RAB3C: variants seen among roughly 807,000 people sequenced by gnomAD.
RAB3C encodes RAB3C, member RAS oncogene family.
RAB3C carries 17 observed loss-of-function variants against 26.4 expected under a neutral mutation model. That is an observed-to-expected ratio of 0.64 (90% CI 0.44 to 0.97). The LOEUF (loss-of-function observed/expected upper bound fraction) is 0.97. Ranked by LOEUF, RAB3C falls within the 50% of genes least tolerant of loss-of-function variation. The pLI is 0.00. For synonymous variants in RAB3C, 91 were observed against 95.9 expected (o/e 0.95, Z 0.30); for missense variants, 242 against 281.9 (o/e 0.86, Z 1.01).
chr5:58,608,581 C>T (rs1327815968), intron 1 of RAB3C, among the ~76,000 whole-genome samples: 1 of 152,218 alleles, frequency 6.6e-6, no homozygotes, highest in Non-Finnish European at 1.5e-5. Context: ...CACTTTTACA[C>T]TGTTGATGGG....
At chr5:58,847,712 T>G (rs1249100072) in intron 4 of RAB3C, among the ~76,000 whole-genome samples, 2 of 152,132 alleles carry the variant, frequency 1.3e-5, no homozygotes, top group Admixed American at 6.5e-5. Context: ...TTTCTAAACA[T>G]CCCTGTACCC....
At chr5:58,833,324 TCACACACA>T (rs571940681) in intron 4 of RAB3C, among the ~76,000 whole-genome samples, 9 of 141,068 alleles carry the variant, frequency 6.4e-5, no homozygotes, top group African/African-American at 1.6e-4. Flanking sequence ...ACGGACCCCA[TCACACACA>T]CACACACACA....
chr5:58,706,729 T>A (rs1748951595), intron 2 of RAB3C, among the ~76,000 whole-genome samples: 1 of 152,202 alleles, frequency 6.6e-6, no homozygotes, highest in Non-Finnish European at 1.5e-5. Flanking sequence ...TTCTACAACA[T>A]CCTTAATGTT....
chr5:58,826,980 G>C (rs1743495587), intron 4 of RAB3C, among the ~76,000 whole-genome samples: 1 of 152,108 alleles, frequency 6.6e-6, no homozygotes, highest in South Asian at 2.1e-4. Flanking sequence ...ATCCCTGGAT[G>C]GCCACAAGAA....
intron 1 of RAB3C, among the ~76,000 whole-genome samples, chr5:58,599,697 T>G (rs1453925098): frequency 2.6e-5 from 4 of 151,376 alleles, no homozygotes; most frequent in African/African-American, 9.8e-5. Flanking sequence ...TTTCTTTTTT[T>G]TTTCTTTTTT....
At chr5:58,670,894 G>C (rs1389016357) in intron 2 of RAB3C, among the ~76,000 whole-genome samples, 1 of 152,110 alleles carries the variant, frequency 6.6e-6, no homozygotes, top group Non-Finnish European at 1.5e-5. Context: ...GCCATATCTA[G>C]TCAGTATGCA....
chr5:58,822,750 A>G (rs1579938115), intron 3 of RAB3C: 3 of 532,172 alleles, frequency 5.6e-6, no homozygotes, highest in South Asian at 1.6e-5. Context: ...TACATGGTAC[A>G]TGAACTACCA....
intron 2 of RAB3C, among the ~76,000 whole-genome samples, chr5:58,709,338 C>A (rs920073926): frequency 1.3e-5 from 2 of 152,280 alleles, no homozygotes; most frequent in Middle Eastern, 3.4e-3. Context: ...ATGGGACTCA[C>A]CCTCTGTACA....
chr5:58,608,790 A>G (rs1253884542), intron 1 of RAB3C, among the ~76,000 whole-genome samples: 1 of 152,214 alleles, frequency 6.6e-6, no homozygotes. Context: ...AACCAACCCA[A>G]ATATCCATCA....
chr5:58,641,215 T>C (rs902913906), intron 2 of RAB3C, among the ~76,000 whole-genome samples: 1 of 152,172 alleles, frequency 6.6e-6, no homozygotes, highest in African/African-American at 2.4e-5. Flanking sequence ...CAGGCTGTAC[T>C]CAGTAGTCAA....
intron 1 of RAB3C, among the ~76,000 whole-genome samples, chr5:58,599,257 A>G (rs1746397333): frequency 6.6e-6 from 1 of 152,116 alleles, no homozygotes; most frequent in Non-Finnish European, 1.5e-5. Context: ...GTATTTTCCT[A>G]CTTCTTACTA....
intron 3 of RAB3C, among the ~76,000 whole-genome samples, chr5:58,731,700 A>G (rs952178463): frequency 6.6e-6 from 1 of 152,200 alleles, no homozygotes. Context: ...TTTATGAATA[A>G]TGCATCTCAG....
At chr5:58,751,043 G>A (rs112154582) in intron 3 of RAB3C, among the ~76,000 whole-genome samples, 2,612 of 152,106 alleles carry the variant, frequency 0.017, 79 homozygotes, top group African/African-American at 0.061. Flanking sequence ...TAGTGGAGAC[G>A]GAGTTTCACC....
intron 2 of RAB3C, among the ~76,000 whole-genome samples, chr5:58,673,336 T>C (rs1748158588): frequency 6.6e-6 from 1 of 152,172 alleles, no homozygotes; most frequent in Non-Finnish European, 1.5e-5. Context: ...AAAACAAAAT[T>C]TTCATCAGAG....
At chr5:58,586,457 G>T (rs1746009939) in intron 1 of RAB3C, among the ~76,000 whole-genome samples, 3 of 151,984 alleles carry the variant, frequency 2.0e-5, no homozygotes, top group Admixed American at 2.0e-4. Flanking sequence ...AGAAAAATTG[G>T]CCCTATCTTC....
chr5:58,790,073 C>G (rs970219232), intron 3 of RAB3C, among the ~76,000 whole-genome samples: 5 of 152,220 alleles, frequency 3.3e-5, no homozygotes, highest in African/African-American at 1.2e-4. Flanking sequence ...CTCCTAAAGT[C>G]TAGACCCATT....
chr5:58,634,271 G>A (rs1256305253), intron 2 of RAB3C, among the ~76,000 whole-genome samples: 5 of 152,136 alleles, frequency 3.3e-5, no homozygotes, highest in African/African-American at 1.2e-4. Context: ...TCACACCATT[G>A]AAAAGTTTAA....
rs117480626 is a variant in RAB3C at position 58,620,195 on chromosome 5, A to G, written c.252+2325A>G. 5.3e-5 allele frequency among the ~76,000 whole-genome samples: 8 copies of G among 152,286 alleles called. No individual in the cohort carries two copies. In the East Asian group the frequency reaches 1.4e-3, roughly 26 times the overall value. ...CCCATCAGGGTTCAGCCACTTGGGA[A>G]TCCTTCACTTTCCCCCATCGTCAGT... On this transcript the variant is annotated intron_variant, in intron 2 of 4. Transcript: ENST00000282878.
Position 58,583,100 on chromosome 5 carries a change from G to T in RAB3C, c.-109G>T. On this transcript the variant is annotated 5_prime_UTR_variant, in exon 1 of 5. It introduces an in-frame stop codon into an upstream open reading frame of the 5' UTR. Transcript: ENST00000282878. ...AGTGCTGATGTTGGAGCCGGTTAGC[G>T]AACCCCAAGAGTGCAGAGTGTGGAG... 6.3e-7 allele frequency: 1 copy of T among 1,577,110 alleles called. No individual in the cohort carries two copies. Among genetic ancestry groups the T allele is most frequent in the South Asian group, 1.2e-5 (1 of 86,940 alleles).
Sources: gnomAD v4.1 joint callset for allele counts (sites outside exome capture counted in the v4.1 genomes callset) on GRCh38, gnomAD v4.1.1 for gene constraint, MANE v1.5 for transcripts, NCBI Gene and HGNC (gene_info 2026-07-23, HGNC 2026-07-21) for gene names.